The following MAN1C1 variants were observed in gnomAD, a reference collection of about 807,000 sequenced individuals.
MAN1C1 encodes mannosidase alpha class 1C member 1, also known as mannosyl-oligosaccharide 1,2-alpha-mannosidase IC.
Under a neutral mutation model 71.5 loss-of-function variants are expected in MAN1C1, and 49 were observed. The observed-to-expected ratio is 0.69, with a 90% CI of 0.54 to 0.87. The LOEUF (loss-of-function observed/expected upper bound fraction) is 0.87, where lower values mean the gene tolerates loss of function less well. MAN1C1 is among the 40% of genes least tolerant of loss of function. MAN1C1 has a pLI of 0.00. For missense variants in MAN1C1, 743 were observed against 835.0 expected (o/e 0.89, Z 1.36); for synonymous variants, 352 against 343.7 (o/e 1.02, Z -0.27).
chr1:25,617,878 C>A lies in MAN1C1; in HGVS notation c.81C>A (p.Leu27=), dbSNP rs1192591081. 6.2e-7 allele frequency: 1 copy of A among 1,608,920 alleles called. No individual in the cohort carries two copies. The highest frequency in any genetic ancestry group is 1.7e-5 in the Admixed American group (1 of 59,570). Residue 27 remains leucine (L), a synonymous_variant, in exon 1 of 12, where the codon CTC becomes CTA. Coordinates refer to ENST00000374332, the MANE Select transcript of MAN1C1 (RefSeq NM_020379.4). This position sits in a 1 kb window ranked among gnomAD's most constrained non-coding sequence, Gnocchi z 5.1. ...LRLPQKFLFL[L]FLSGLVTLCF... ...TGCCGCAGAAGTTCCTCTTCCTCCTCTTCCTCTCGGGCCTGGTCACCCTGT... is the reference window on the plus strand; with the variant it reads ...TGCCGCAGAAGTTCCTCTTCCTCCTATTCCTCTCGGGCCTGGTCACCCTGT...
intron 1 of MAN1C1, among the ~76,000 whole-genome samples, chr1:25,642,113 A>G (rs762783119): frequency 7.2e-5 from 11 of 152,228 alleles, no homozygotes; most frequent in Admixed American, 6.5e-4. Flanking sequence ...TAGCCAGGAC[A>G]TAAACAGCTG....
At chr1:25,649,763 G>A (rs576014131) in intron 1 of MAN1C1, among the ~76,000 whole-genome samples, 174 of 152,176 alleles carry the variant, frequency 1.1e-3, no homozygotes, top group African/African-American at 4.1e-3. Flanking sequence ...TCAGCTTCTC[G>A]AGTAGCTGGG....
In MAN1C1 at chr1:25,746,588, C is replaced by A. The variant is rs1349721412; in HGVS notation, c.638-80C>A. 7.3e-6 allele frequency: 8 copies of A among 1,101,014 alleles called. No individual in the cohort carries two copies. Among genetic ancestry groups the A allele is most frequent in the Non-Finnish European group, 1.1e-5 (8 of 733,240 alleles). 68.2% of individuals were successfully genotyped at this position (1,101,014 alleles called of 1,614,324 possible). A position where few individuals can be genotyped will look rare whatever the true frequency, so the allele number is the denominator to read the frequency against. ...CAAGCCTGCGCTGGCATTGGAGGGG[C>A]CCTGAGAACGGTGGCTTGTCCAGTT... On this transcript the variant is annotated intron_variant, in intron 2 of 11. Coordinates refer to ENST00000374332, the MANE Select transcript of MAN1C1 (RefSeq NM_020379.4). This position sits in a 1 kb window ranked among gnomAD's most constrained non-coding sequence, Gnocchi z 4.0.
intron 1 of MAN1C1, among the ~76,000 whole-genome samples, chr1:25,662,599 GC>G (rs2045864856): frequency 6.6e-6 from 1 of 152,074 alleles, no homozygotes; most frequent in South Asian, 2.1e-4. Context: ...GTTCCCTAAA[GC>G]CCATCCGTAA....
At chr1:25,728,693 A>G (rs972629947) in intron 2 of MAN1C1, among the ~76,000 whole-genome samples, 2 of 152,166 alleles carry the variant, frequency 1.3e-5, no homozygotes, top group Non-Finnish European at 2.9e-5. Context: ...CCAGGCCTCA[A>G]AGTGGTGTAT....
chr1:25,713,907 C>G (rs763267483), intron 2 of MAN1C1, among the ~76,000 whole-genome samples: 18 of 152,086 alleles, frequency 1.2e-4, no homozygotes, highest in Non-Finnish European at 2.2e-4. Context: ...CTGGAGCTTC[C>G]GAGGGAGTTA....
intron 1 of MAN1C1, among the ~76,000 whole-genome samples, chr1:25,662,362 C>A (rs920271802): frequency 6.6e-6 from 1 of 152,118 alleles, no homozygotes; most frequent in Non-Finnish European, 1.5e-5. Context: ...AATCCAGACT[C>A]CTCAGCATTT....
At chr1:25,683,543 C>T (rs1450522504) in intron 1 of MAN1C1, among the ~76,000 whole-genome samples, 1 of 152,190 alleles carries the variant, frequency 6.6e-6, no homozygotes, top group East Asian at 1.9e-4. Context: ...CTGCAGGCCA[C>T]CATGGGTCTG....
chr1:25,731,731 G>A (rs983417437), intron 2 of MAN1C1, among the ~76,000 whole-genome samples: 19 of 152,154 alleles, frequency 1.2e-4, no homozygotes, highest in African/African-American at 3.6e-4. Context: ...GAAAAGGGAG[G>A]CCCTTGGTCT....
At chr1:25,629,703 G>C (rs1204293766) in intron 1 of MAN1C1, among the ~76,000 whole-genome samples, 1 of 151,860 alleles carries the variant, frequency 6.6e-6, no homozygotes. Flanking sequence ...TTACAGGTGT[G>C]AGCCACTGCA....
chr1:25,774,386 C>T (rs543703466), intron 8 of MAN1C1, among the ~76,000 whole-genome samples: 1 of 152,302 alleles, frequency 6.6e-6, no homozygotes, highest in South Asian at 2.1e-4. Flanking sequence ...AACTGAGGGT[C>T]AGAAAGGCCC....
intron 4 of MAN1C1, among the ~76,000 whole-genome samples, chr1:25,751,101 T>G (rs575042255): frequency 6.6e-6 from 1 of 151,164 alleles, no homozygotes; most frequent in East Asian, 1.9e-4. Context: ...CTTTCCTTCC[T>G]TCCTTCCATC....
intron 2 of MAN1C1, among the ~76,000 whole-genome samples, chr1:25,708,914 A>C (rs1451672527): frequency 6.6e-6 from 1 of 151,802 alleles, no homozygotes; most frequent in Non-Finnish European, 1.5e-5. Flanking sequence ...ACTGGCTTGG[A>C]AAGTATCTGA....
Position 25,778,338 on chromosome 1 carries a change from G to A in MAN1C1, c.1477+14G>A. On this transcript the variant is annotated intron_variant, in intron 9 of 11. Transcript: ENST00000374332. This position sits in a 1 kb window ranked among gnomAD's most constrained non-coding sequence, Gnocchi z 5.5. The stretch of plus-strand genomic sequence containing the variant: ...ACGCCCGCTCAGGTAACCCTGCAAG[G>A]GGAAGGGGCAGCAGGAGAGACTGAG... 11 of 1,597,796 alleles carry A rather than the reference G, an allele frequency of 6.9e-6. No individual in the cohort carries two copies. Among genetic ancestry groups the A allele is most frequent in the Non-Finnish European group, 8.6e-6 (10 of 1,169,394 alleles).
rs777433818 is a variant in MAN1C1 at position 25,782,741 on chromosome 1, G to A, written c.1766+41G>A. The A allele has an allele frequency of 2.7e-6, 4 of 1,502,908 alleles. No individual in the cohort carries two copies. In the Admixed American group the frequency reaches 5.0e-5, roughly 19 times the overall value. 93.1% of individuals were successfully genotyped at this position (1,502,908 alleles called of 1,614,324 possible). A position where few individuals can be genotyped will look rare whatever the true frequency, so the allele number is the denominator to read the frequency against. On this transcript the variant is annotated intron_variant, in intron 11 of 11. Transcript: ENST00000374332. The surrounding 1 kb of genome is among the most constrained non-coding windows in gnomAD (Gnocchi z 4.4). ...TCTTCCTAGGGATGGACAGGTGGGA[G>A]GTTGAGGGTAGGGGTCCGCAGTCCC...
chr1:25,749,508 C>T (rs573693126), intron 4 of MAN1C1, among the ~76,000 whole-genome samples, 173 bp downstream of exon 4: 13 of 152,310 alleles, frequency 8.5e-5, no homozygotes, highest in East Asian at 3.9e-4. Flanking sequence ...ACCATCCCTC[C>T]GCTCCCTGTT....
intron 4 of MAN1C1, among the ~76,000 whole-genome samples, chr1:25,751,045 T>C (rs571079916): frequency 1.3e-4 from 20 of 151,514 alleles, no homozygotes; most frequent in African/African-American, 4.6e-4. Flanking sequence ...CGTTCTTCCT[T>C]CCTTCTATCC....
At chr1:25,635,344 A>G (rs779390609) in intron 1 of MAN1C1, among the ~76,000 whole-genome samples, 4 of 151,964 alleles carry the variant, frequency 2.6e-5, no homozygotes, top group Non-Finnish European at 5.9e-5. Context: ...ATTTTTCTCA[A>G]TATGTATTTC....
chr1:25,736,812 C>A (rs1169793799), intron 2 of MAN1C1, among the ~76,000 whole-genome samples: 1 of 152,204 alleles, frequency 6.6e-6, no homozygotes, highest in Non-Finnish European at 1.5e-5. Flanking sequence ...CATGCCTGAG[C>A]CACTGCACCC....
Sources: allele counts gnomAD v4.1 joint callset (sites outside exome capture counted in the v4.1 genomes callset), GRCh38; gene constraint gnomAD v4.1.1; non-coding constraint Gnocchi (gnomAD v3.1); transcripts MANE v1.5; gene names NCBI Gene and HGNC (gene_info 2026-07-23, HGNC 2026-07-21).